The following NTRK2 variants were observed in gnomAD, a reference collection of about 807,000 sequenced individuals.
The protein encoded by NTRK2 is BDNF/NT-3 growth factors receptor.
A neutral mutation model predicts 94.5 loss-of-function variants in NTRK2; 13 were observed. The ratio of observed to expected loss-of-function variants is 0.14; its 90% CI spans 0.09 to 0.22. The LOEUF is 0.22. Ranked by LOEUF, NTRK2 falls within the 10% of genes least tolerant of loss-of-function variation. The pLI, the probability that NTRK2 is intolerant of heterozygous loss-of-function variation, is 1.00. For synonymous variants in NTRK2, 372 were observed against 407.4 expected (o/e 0.91, Z 1.05); for missense variants, 639 against 1,071.2 (o/e 0.60, Z 5.63).
chr9:84,997,401 A>G (rs1002907215), intron 17 of NTRK2, among the ~76,000 whole-genome samples: 7 of 152,152 alleles, frequency 4.6e-5, no homozygotes, highest in African/African-American at 1.7e-4. Context: ...GTCCCTAAGG[A>G]CAGGCACCCA....
chr9:84,871,820 A>G, intron 14 of NTRK2: 1 of 1,613,736 alleles, frequency 6.2e-7, no homozygotes. Context: ...CCGCCTGATA[A>G]TAATTTGGTA....
intron 12 of NTRK2, among the ~76,000 whole-genome samples, chr9:84,752,600 A>G (rs1470569736): frequency 6.6e-6 from 1 of 152,228 alleles, no homozygotes; most frequent in African/African-American, 2.4e-5. Flanking sequence ...CTTCGTGAAT[A>G]CATAGCTTTT....
chr9:84,909,669 T>TC (rs2077180803), intron 14 of NTRK2, among the ~76,000 whole-genome samples: 1 of 152,156 alleles, frequency 6.6e-6, no homozygotes, highest in South Asian at 2.1e-4. Context: ...ACCCTGCATT[T>TC]CCCTCATCTA....
At chr9:84,773,133 A>G (rs947328982) in intron 12 of NTRK2, among the ~76,000 whole-genome samples, 2 of 152,212 alleles carry the variant, frequency 1.3e-5, no homozygotes, top group African/African-American at 2.4e-5. Context: ...AAGTGATAAC[A>G]TTACTAATTT....
intron 12 of NTRK2, among the ~76,000 whole-genome samples, chr9:84,773,534 C>T (rs370146946): frequency 1.4e-4 from 21 of 152,154 alleles, no homozygotes; most frequent in South Asian, 8.3e-4. Context: ...CTGATTTTAA[C>T]GTTCTTGGAG....
chr9:85,004,059 GAA>G (rs1443843546), intron 17 of NTRK2, among the ~76,000 whole-genome samples: 1 of 41,806 alleles, frequency 2.4e-5, no homozygotes, highest in South Asian at 9.2e-4. Context: ...GAAAGAGAAA[GAA>G]AGGAGAGAGA....
intron 11 of NTRK2, among the ~76,000 whole-genome samples, chr9:84,747,882 TTA>T (rs2064233257): frequency 6.6e-6 from 1 of 152,178 alleles, no homozygotes; most frequent in African/African-American, 2.4e-5. Flanking sequence ...AGTTTGTATA[TTA>T]TGACTTTGCG....
At chr9:84,850,699 G>T (rs1477871742) in intron 12 of NTRK2, among the ~76,000 whole-genome samples, 3 of 152,152 alleles carry the variant, frequency 2.0e-5, no homozygotes, top group Non-Finnish European at 4.4e-5. Context: ...ACGAATCTAA[G>T]ACTCAACACC....
intron 14 of NTRK2, among the ~76,000 whole-genome samples, chr9:84,931,015 A>T (rs151219799): frequency 6.6e-6 from 1 of 152,290 alleles, no homozygotes; most frequent in Non-Finnish European, 1.5e-5. Flanking sequence ...ATTTTTTCAC[A>T]GATATTTATA....
intron 14 of NTRK2, among the ~76,000 whole-genome samples, chr9:84,910,401 C>T (rs890361992): frequency 1.3e-5 from 2 of 152,082 alleles, no homozygotes; most frequent in Non-Finnish European, 2.9e-5. Flanking sequence ...TGTTTCTTGG[C>T]TTATAGATTT....
intron 17 of NTRK2, among the ~76,000 whole-genome samples, chr9:85,019,844 G>A (rs892984953): frequency 1.3e-5 from 2 of 152,174 alleles, no homozygotes; most frequent in Non-Finnish European, 2.9e-5. Context: ...GTACCTCTTT[G>A]TTCTCCTGGT....
intron 12 of NTRK2, among the ~76,000 whole-genome samples, chr9:84,793,328 G>A (rs2068930138): frequency 6.6e-6 from 1 of 152,116 alleles, no homozygotes; most frequent in African/African-American, 2.4e-5. Context: ...GTAGGAGAGT[G>A]GAGATCAAAT....
chr9:84,730,783 C>CAAAAAAAAAAAAAAAAAAAAAAAAAAAAA lies in NTRK2; in HGVS notation c.1159+2849_1159+2850insAAAAAAAAAAAAAAAAAAAAAAAAAAAAA. Among the ~76,000 whole-genome samples, 37 of 24,138 alleles carry CAAAAAAAAAAAAAAAAAAAAAAAAAAAAA rather than the reference C, an allele frequency of 1.5e-3. 8 individuals are homozygous for CAAAAAAAAAAAAAAAAAAAAAAAAAAAAA. The highest frequency in any genetic ancestry group is 2.3e-3 in the African/African-American group (13 of 5,640). The allele number at this position is 24,138 out of a possible 152,430, so 15.8% of individuals were successfully genotyped here. ...AAACTAAAGAAAAATAAACAAATAG[C>CAAAAAAAAAAAAAAAAAAAAAAAAAAAAA]AAAAAAAAAAAAAAAAAAAAAAAAA... On this transcript the variant is annotated intron_variant, in intron 9 of 18. Coordinates refer to ENST00000277120, the MANE Select transcript of NTRK2 (RefSeq NM_006180.6).
intron 8 of NTRK2, among the ~76,000 whole-genome samples, chr9:84,727,380 C>G (rs1320487445): frequency 6.6e-6 from 1 of 152,124 alleles, no homozygotes; most frequent in Admixed American, 6.5e-5. Context: ...CTGTTTGGAG[C>G]TGGTTTTCAC....
chr9:84,901,563 T>C (rs1174281837), intron 14 of NTRK2, among the ~76,000 whole-genome samples: 1 of 152,062 alleles, frequency 6.6e-6, no homozygotes, highest in Non-Finnish European at 1.5e-5. Flanking sequence ...GTGCTTTAAG[T>C]CCAATAAAAT....
intron 14 of NTRK2, among the ~76,000 whole-genome samples, chr9:84,928,975 G>GT (rs1219314213): frequency 6.6e-6 from 1 of 152,126 alleles, no homozygotes; most frequent in Non-Finnish European, 1.5e-5. Context: ...AGTGGAATAA[G>GT]TCCACTGGGC....
chr9:84,988,834 G>A (rs1828691666), intron 17 of NTRK2, among the ~76,000 whole-genome samples: 1 of 152,244 alleles, frequency 6.6e-6, no homozygotes, highest in African/African-American at 2.4e-5. Context: ...TGGCCTTAGA[G>A]GCACTATCAC....
intron 12 of NTRK2, among the ~76,000 whole-genome samples, chr9:84,758,079 A>G (rs2065232225): frequency 1.3e-5 from 2 of 152,012 alleles, no homozygotes; most frequent in Non-Finnish European, 2.9e-5. Context: ...GTGAAAAATA[A>G]GAGTAATGTT....
chr9:84,752,861 A>T (rs553901713), intron 12 of NTRK2, among the ~76,000 whole-genome samples: 2 of 152,302 alleles, frequency 1.3e-5, no homozygotes, highest in South Asian at 4.1e-4. Context: ...CTATAGATAG[A>T]CACTATTTAA....
Sources: allele counts gnomAD v4.1 joint callset (sites outside exome capture counted in the v4.1 genomes callset), GRCh38; gene constraint gnomAD v4.1.1; transcripts MANE v1.5; gene names NCBI Gene and HGNC (gene_info 2026-07-23, HGNC 2026-07-21).